LRCH4: variants seen among roughly 807,000 people sequenced by gnomAD.
LRCH4 encodes the protein leucine-rich repeat and calponin homology domain-containing protein 4.
LRCH4 carries 56 observed loss-of-function variants against 81.2 expected under a neutral mutation model. The observed-to-expected ratio is 0.69, with a 90% CI of 0.56 to 0.86. The LOEUF is 0.86. Ranked by LOEUF, LRCH4 falls within the 40% of genes least tolerant of loss-of-function variation. The probability of loss-of-function intolerance (pLI) is 0.00; values close to 1 mark genes in which losing one functional copy is unlikely to be tolerated. For missense variants in LRCH4, 895 were observed against 922.8 expected (o/e 0.97, Z 0.39); for synonymous variants, 442 against 409.7 (o/e 1.08, Z -0.95).
chr7:100,581,828 A>G lies in LRCH4; in HGVS notation c.547T>C (p.Ser183Pro). The G allele has an allele frequency of 6.2e-7, 1 of 1,614,176 alleles. No homozygotes were observed. Among genetic ancestry groups the G allele is most frequent in the Non-Finnish European group, 8.5e-7 (1 of 1,180,026 alleles). ...SLPSELCGLS[S>P]LRDLNVRRNQ... ...CTCCGGACATTGAGGTCCCGCAGGG[A>G]AGAGAGGCCACACAGTTCCGAGGGC... is the stretch of plus-strand genomic sequence containing the variant. The change falls in exon 4 of 18, where the codon TCC becomes CCC. Residue 183 changes from serine (S) to proline (P), a missense_variant. Ser to Pro is a moderately conservative substitution (Grantham distance 74). Coordinates refer to ENST00000310300, the MANE Select transcript of LRCH4 (RefSeq NM_002319.5).
chr7:100,575,940 G>C lies in LRCH4; in HGVS notation c.1707C>G (p.Ile569Met). 1 of 1,611,224 alleles carries C rather than the reference G, an allele frequency of 6.2e-7. No homozygotes were observed. Among genetic ancestry groups the C allele is most frequent in the Non-Finnish European group, 8.5e-7 (1 of 1,179,084 alleles). Residue 569 changes from isoleucine (I) to methionine (M), a missense_variant, in exon 16 of 18, where the codon ATC becomes ATG. Ile to Met is a conservative substitution (Grantham distance 10). Transcript: ENST00000310300. This position sits in a 1 kb window ranked among gnomAD's most constrained non-coding sequence, Gnocchi z 5.3. ...GTAGCTGGTTGGCCAGCTGGCACAG[G>C]ATGACCCCACTGGCCAGAGCCTCGG... ...DLAEALASGV[I>M]LCQLANQLRP...
At position 100,583,315 on chromosome 7, in the gene LRCH4, G is replaced by A. The variant is rs1044866346; in HGVS notation, c.221-856C>T. Among the ~76,000 whole-genome samples the A allele has an allele frequency of 1.3e-5, 2 of 152,202 alleles. No individual in the cohort carries two copies. The highest frequency in any genetic ancestry group is 4.8e-5 in the African/African-American group (2 of 41,450). On this transcript the variant is annotated intron_variant, in intron 1 of 17. Transcript: ENST00000310300. The surrounding 1 kb of genome is among the most constrained non-coding windows in gnomAD (Gnocchi z 4.3). Reference sequence around the variant, plus strand: ...GTGGGAGGGCCTGGGGTCTACAATCGCCCTCTTATCTGGAGCACTGCCTTG... The same window carrying A: ...GTGGGAGGGCCTGGGGTCTACAATCACCCTCTTATCTGGAGCACTGCCTTG...
rs767882536 is a variant in LRCH4 at position 100,575,758 on chromosome 7, G to C, written c.1801C>G (p.Arg601Gly). 2.5e-6 allele frequency: 4 copies of C among 1,611,550 alleles called. No homozygotes were observed. The highest frequency in any genetic ancestry group is 3.4e-6 in the Non-Finnish European group (4 of 1,178,082). ...TCTAGAAAACTCTCCACATTCTTCC[G>C]AGCCTTGAGGGCACTGAGTTTTGGC... The part of the protein sequence containing the change: ...AVPKLSALKA[R>G]KNVESFLEAC... Residue 601 changes from arginine (R) to glycine (G), a missense_variant, in exon 17 of 18, where the codon CGG becomes GGG. Around this residue, in one of 3 missense-constraint regions of LRCH4, gnomAD observed 529 missense variants for 504.9 expected, o/e 1.05. Transcript: ENST00000310300. This position sits in a 1 kb window ranked among gnomAD's most constrained non-coding sequence, Gnocchi z 5.3.
rs1801451179 is a variant in LRCH4 at position 100,578,823 on chromosome 7, C to T, written c.599-37G>A. 1 of 1,603,878 alleles carries T rather than the reference C, an allele frequency of 6.2e-7. No individual in the cohort carries two copies. The highest frequency in any genetic ancestry group is 8.5e-7 in the Non-Finnish European group (1 of 1,175,220). ...GGGCAAGGGAAAAGTCAGGAACATGCTCAGGGCTGTGGCCTCGTGCTCACT... is the reference window on the plus strand; with the variant it reads ...GGGCAAGGGAAAAGTCAGGAACATGTTCAGGGCTGTGGCCTCGTGCTCACT... On this transcript the variant is annotated intron_variant, in intron 4 of 17. Transcript: ENST00000310300. The surrounding 1 kb of genome is among the most constrained non-coding windows in gnomAD (Gnocchi z 5.7).
rs757511843 is a variant in LRCH4, at chr7:100,575,090, A to T, written c.*17T>A. 1 of 1,597,242 alleles carries T rather than the reference A, an allele frequency of 6.3e-7. No homozygotes were observed. On this transcript the variant is annotated 3_prime_UTR_variant, in exon 18 of 18. Coordinates refer to ENST00000310300, the MANE Select transcript of LRCH4 (RefSeq NM_002319.5). This position sits in a 1 kb window ranked among gnomAD's most constrained non-coding sequence, Gnocchi z 5.3. ...AGAGAGGAAGGGAAAGGGGTGAGGG[A>T]GGGCCGATTTTGGGGCCTAGGAACC...
At chr7:100,581,254 A>G (rs1367347736) in intron 4 of LRCH4, among the ~76,000 whole-genome samples, 1 of 152,226 alleles carries the variant, frequency 6.6e-6, no homozygotes, top group Non-Finnish European at 1.5e-5. Flanking sequence ...GAGGGTTGCT[A>G]GGTCAAGATC....
rs767940631 is a variant in LRCH4, at chr7:100,578,732, C to T, written c.653G>A (p.Arg218Gln). 6.2e-6 allele frequency: 10 copies of T among 1,613,906 alleles called. No individual in the cohort carries two copies. The highest frequency in any genetic ancestry group is 5.3e-5 in the African/African-American group (4 of 74,902). The change falls in exon 5 of 18, where the codon CGA becomes CAA. Residue 218 changes from arginine to glutamine, a missense_variant. By Grantham distance (43) the Arg-to-Gln change is conservative (BLOSUM62 1). This residue lies in a region of LRCH4 where 360 missense variants were observed against 397.0 expected (regional missense o/e 0.91). Coordinates refer to ENST00000310300, the MANE Select transcript of LRCH4 (RefSeq NM_002319.5). The surrounding 1 kb of genome is among the most constrained non-coding windows in gnomAD (Gnocchi z 5.7). The part of the protein sequence containing the change: ...RLDFSCNRVS[R>Q]IPVSFCRLRH... ...CAGGCGGCAGAAGGAGACTGGGATT[C>T]GGGAGACGCGGTTACAGGAGAAATC...
chr7:100,586,044 C>T lies in LRCH4; in HGVS notation c.57G>A (p.Thr19=). The change falls in exon 1 of 18, where the codon ACG becomes ACA. Residue 19 remains threonine, a synonymous_variant. Coordinates refer to ENST00000310300, the MANE Select transcript of LRCH4 (RefSeq NM_002319.5). ...LAAGGEEAAA[T]TSVPGSPGLP... ...GACCTGGAGACCCGGGCACGGAGGTCGTGGCTGCCGCCTCCTCACCCCCGG... is the reference window on the plus strand; with the variant it reads ...GACCTGGAGACCCGGGCACGGAGGTTGTGGCTGCCGCCTCCTCACCCCCGG... 1 of 1,586,856 alleles carries T rather than the reference C, an allele frequency of 6.3e-7. No individual in the cohort carries two copies. The highest frequency in any genetic ancestry group is 8.6e-7 in the Non-Finnish European group (1 of 1,167,830).
At position 100,577,706 on chromosome 7, in the gene LRCH4, G is replaced by A; in HGVS notation, c.1074C>T (p.Asp358=). Residue 358 remains aspartate (D), a synonymous_variant, in exon 9 of 18, where the codon GAC becomes GAT. Transcript: ENST00000310300. The surrounding 1 kb of genome is among the most constrained non-coding windows in gnomAD (Gnocchi z 6.7). ...DGDPVQIDFI[D]SHVPGEDEER... ...CTTCATCCTCCCCGGGGACATGGCT[G>A]TCGATGAAGTCAATCTGCACAGGGT... 1 of 1,614,074 alleles carries A rather than the reference G, an allele frequency of 6.2e-7. No individual in the cohort carries two copies. The highest frequency in any genetic ancestry group is 2.2e-5 in the East Asian group (1 of 44,874).
intron 1 of LRCH4, chr7:100,584,576 G>C (rs1465557508): frequency 2.4e-6 from 1 of 409,006 alleles, no homozygotes; most frequent in East Asian, 7.1e-5. Context: ...CAGACAGTGA[G>C]TGTCACACAG....
chr7:100,576,200 C>T (rs1370517220), intron 15 of LRCH4, 38 bp downstream of exon 15: 2 of 1,599,802 alleles, frequency 1.3e-6, no homozygotes, highest in Non-Finnish European at 1.7e-6. Flanking sequence ...AGGTGCCCGG[C>T]CCAGGCCCCT....
intron 1 of LRCH4, among the ~76,000 whole-genome samples, chr7:100,585,508 G>A (rs551295495): frequency 6.6e-6 from 1 of 151,662 alleles, no homozygotes; most frequent in East Asian, 1.9e-4. Flanking sequence ...GGGAGAGAAA[G>A]CAGTTATTAG....
rs779990445 is a variant in LRCH4, at chr7:100,585,943, C to A, written c.158G>T (p.Arg53Leu). ...CGCGCCCCGGGGGAAGTGCTTCAAGCGCCGGTTAGACAGGTTCAGGGTCCC... is the reference window on the plus strand; with the variant it reads ...CGCGCCCCGGGGGAAGTGCTTCAAGAGCCGGTTAGACAGGTTCAGGGTCCC... ...ATGTLNLSNR[R>L]LKHFPRGAAR... The change falls in exon 1 of 18, where the codon CGC (arginine) becomes CTC (leucine). Residue 53 changes from arginine to leucine, a missense_variant. Transcript: ENST00000310300. 7.4e-6 allele frequency: 12 copies of A among 1,612,230 alleles called. No individual in the cohort carries two copies. The South Asian group carries it at 1.2e-4, about 16-fold the overall frequency.
In LRCH4 at chr7:100,575,795, AAAG is replaced by A; in HGVS notation, c.1777-16_1777-14del. 6.2e-7 allele frequency: 1 copy of A among 1,607,506 alleles called. No homozygotes were observed. The highest frequency in any genetic ancestry group is 8.5e-7 in the Non-Finnish European group (1 of 1,175,120). On this transcript the variant is annotated splice_polypyrimidine_tract_variant and intron_variant, in intron 16 of 17. Coordinates refer to ENST00000310300, the MANE Select transcript of LRCH4 (RefSeq NM_002319.5). The surrounding 1 kb of genome is among the most constrained non-coding windows in gnomAD (Gnocchi z 5.3). ...CACTGAGTTTTGGCTGGGGTGGGTG[AAAG>A]AAGAAAATGTGGTAAGGGAGAGGCC...
Position 100,585,897 on chromosome 7 carries a change from T to C in LRCH4, c.204A>G (p.Ser68=). ...PRGAARSYDL[S]DITQADLSRN... ...TGCACTCACCAGCCTGGGTGATGTC[T>C]GACAGGTCGTAGCTACGGGCCGCGC... The change falls in exon 1 of 18, where the codon TCA becomes TCG. Residue 68 remains serine (S), a synonymous_variant. Coordinates refer to ENST00000310300, the MANE Select transcript of LRCH4 (RefSeq NM_002319.5). 1 of 1,608,726 alleles carries C rather than the reference T, an allele frequency of 6.2e-7. No individual in the cohort carries two copies.
At position 100,583,991 on chromosome 7, in the gene LRCH4, AG is replaced by A. The variant is rs1178754683; in HGVS notation, c.221-1533del. The A allele has an allele frequency of 1.1e-5, 4 of 365,394 alleles. No individual in the cohort carries two copies. In the East Asian group the frequency reaches 3.0e-4, roughly 27 times the overall value. 22.6% of individuals were successfully genotyped at this position (365,394 alleles called of 1,614,324 possible). On this transcript the variant is annotated intron_variant, in intron 1 of 17. Coordinates refer to ENST00000310300, the MANE Select transcript of LRCH4 (RefSeq NM_002319.5). The surrounding 1 kb of genome is among the most constrained non-coding windows in gnomAD (Gnocchi z 4.3). Reference sequence around the variant, plus strand: ...GAATGAGCTGCACTTCTCCTTTGCAAGATGGCCCCTCCCCGCCACCTCAGGA... The same window carrying A: ...GAATGAGCTGCACTTCTCCTTTGCAAATGGCCCCTCCCCGCCACCTCAGGA...
At position 100,582,290 on chromosome 7, in the gene LRCH4, C is replaced by A; in HGVS notation, c.365+25G>T. 1 of 1,614,050 alleles carries A rather than the reference C, an allele frequency of 6.2e-7. No homozygotes were observed. Among genetic ancestry groups the A allele is most frequent in the Non-Finnish European group, 8.5e-7 (1 of 1,180,018 alleles). On this transcript the variant is annotated intron_variant, in intron 2 of 17. Transcript: ENST00000310300. The surrounding 1 kb of genome is among the most constrained non-coding windows in gnomAD (Gnocchi z 5.0). The stretch of plus-strand genomic sequence containing the variant: ...TGAGACTGAGAAGCACACGCTCCCA[C>A]GTGGCCCTGGCTCGGCCTCCCTACC...
At chr7:100,576,098 C>T (rs1174897415) in intron 15 of LRCH4, 90 bp from the exon 16 acceptor site, 2 of 1,498,060 alleles carry the variant, frequency 1.3e-6, no homozygotes, top group Admixed American at 1.9e-5. Context: ...TAGCAGGGAA[C>T]TTGTGCCTGT....
rs999748971 is a variant in LRCH4, at chr7:100,577,846, T to G, written c.1015A>C (p.Arg339=). The G allele has an allele frequency of 2.9e-5, 46 of 1,613,032 alleles. No individual in the cohort carries two copies. The highest frequency in any genetic ancestry group is 3.9e-5 in the Non-Finnish European group (46 of 1,179,246). Residue 339 remains arginine (R), a synonymous_variant, in exon 8 of 18, where the codon AGA becomes CGA. Transcript: ENST00000310300. This position sits in a 1 kb window ranked among gnomAD's most constrained non-coding sequence, Gnocchi z 6.7. The part of the protein sequence containing the change: ...SELAREPRGP[R]ERKEDGSADG... ...CCTGAGCCATCCTCCTTGCGTTCTCTGGGTCCCCGGGGCTCCCGGGCCAGC... is the reference window on the plus strand; with the variant it reads ...CCTGAGCCATCCTCCTTGCGTTCTCGGGGTCCCCGGGGCTCCCGGGCCAGC...
Sources: gnomAD v4.1 joint callset for allele counts (sites outside exome capture counted in the v4.1 genomes callset) on GRCh38, gnomAD v4.1.1 for gene constraint, gnomAD v4.1.1 regional missense constraint, Gnocchi (gnomAD v3.1) non-coding constraint, MANE v1.5 for transcripts, NCBI Gene and HGNC (gene_info 2026-07-23, HGNC 2026-07-21) for gene names.